The following EIF3G variants were observed in gnomAD, a reference collection of about 807,000 sequenced individuals.
EIF3G encodes eukaryotic translation initiation factor 3 RNA-binding subunit.
In EIF3G, 10 loss-of-function variants were observed where a neutral mutation model predicts 41.7. The observed-to-expected ratio is 0.24, with a 90% CI of 0.15 to 0.41. The LOEUF is 0.41. Among genes scored for constraint, EIF3G ranks in the 10% least tolerant of loss-of-function variants. The pLI, the probability that EIF3G is intolerant of heterozygous loss-of-function variation, is 1.00. For synonymous variants in EIF3G, 204 were observed against 172.5 expected (o/e 1.18, Z -1.43); for missense variants, 297 against 444.0 (o/e 0.67, Z 2.98).
Position 10,116,697 on chromosome 19 carries a change from G to A in EIF3G, c.595+103C>T. The stretch of plus-strand genomic sequence containing the variant: ...GCACAGACGCCCCGAGGAGAGTCTG[G>A]CACCATCAAACCCGCTGCACTGTCG... On this transcript the variant is annotated intron_variant, in intron 7 of 10. Coordinates refer to ENST00000253108, the MANE Select transcript of EIF3G (RefSeq NM_003755.5). This position sits in a 1 kb window ranked among gnomAD's most constrained non-coding sequence, Gnocchi z 4.1. 1.6e-6 allele frequency: 2 copies of A among 1,229,206 alleles called. No homozygotes were observed. Among genetic ancestry groups the A allele is most frequent in the Non-Finnish European group, 1.1e-6 (1 of 891,070 alleles). 76.1% of individuals were successfully genotyped at this position (1,229,206 alleles called of 1,614,324 possible).
chr19:10,115,609 G>T, intron 9 of EIF3G, 24 bp from the exon 10 acceptor site: 1 of 1,611,738 alleles, frequency 6.2e-7, no homozygotes, highest in Non-Finnish European at 8.5e-7. Flanking sequence ...GGATGGGGTC[G>T]GGCACGAGCT....
Position 10,116,726 on chromosome 19 carries a change from G to T in EIF3G, c.595+74C>A. On this transcript the variant is annotated intron_variant, in intron 7 of 10. Coordinates refer to ENST00000253108, the MANE Select transcript of EIF3G (RefSeq NM_003755.5). The surrounding 1 kb of genome is among the most constrained non-coding windows in gnomAD (Gnocchi z 4.1). ...CATCAAACCCGCTGCACTGTCGTGC[G>T]GGAGATGACAGCACGAAGGCAGCAG... The T allele has an allele frequency of 7.0e-7, 1 of 1,420,050 alleles. No individual in the cohort carries two copies. The highest frequency in any genetic ancestry group is 9.5e-7 in the Non-Finnish European group (1 of 1,054,540). 88.0% of individuals were successfully genotyped at this position (1,420,050 alleles called of 1,614,324 possible).
Position 10,117,074 on chromosome 19 carries a change from C to T in EIF3G, c.405+10G>A. ...CCAGGATGCCAGCCCCACCTGATTG[C>T]CCCGCTTACCTCTTTGCTGGTGATG... On this transcript the variant is annotated intron_variant, in intron 6 of 10. Transcript: ENST00000253108. 1.2e-6 allele frequency: 2 copies of T among 1,612,012 alleles called. No homozygotes were observed. The highest frequency in any genetic ancestry group is 1.3e-5 in the African/African-American group (1 of 74,998).
chr19:10,119,729 G>GA, intron 1 of EIF3G, 29 bp from the exon 2 acceptor site: 1 of 1,612,632 alleles, frequency 6.2e-7, no homozygotes, highest in African/African-American at 1.3e-5. Context: ...GGGGAACGAA[G>GA]ATTAAGTCAG....
intron 2 of EIF3G, 185 bp downstream of exon 2, chr19:10,119,469 A>G (rs1234032280): frequency 2.5e-6 from 2 of 790,928 alleles, no homozygotes. Context: ...AGGCAGTGGC[A>G]TGGGAGGAAG....
intron 5 of EIF3G, chr19:10,117,540 T>G: frequency 4.1e-6 from 1 of 246,254 alleles, no homozygotes; most frequent in East Asian, 7.9e-5. Context: ...GAGCCTCAGC[T>G]TCCTCCCTTA....
intron 4 of EIF3G, 37 bp downstream of exon 4, chr19:10,118,831 C>G (rs116747780): frequency 1.2e-6 from 2 of 1,608,744 alleles, no homozygotes; most frequent in Non-Finnish European, 1.7e-6. Flanking sequence ...GGCCCCCAAG[C>G]ACAAGGGTCC....
rs112456792 is a variant in EIF3G at position 10,116,340 on chromosome 19, C to G, written c.596-266G>C. ...GCGGGAGGACAACAGGGGCAGCAGC[C>G]TCACATGCACAGCAACGGCAGACAT... is the stretch of plus-strand genomic sequence containing the variant. On this transcript the variant is annotated intron_variant, in intron 7 of 10. Coordinates refer to ENST00000253108, the MANE Select transcript of EIF3G (RefSeq NM_003755.5). This position sits in a 1 kb window ranked among gnomAD's most constrained non-coding sequence, Gnocchi z 4.1. 1.8e-5 allele frequency: 10 copies of G among 557,422 alleles called. No homozygotes were observed. The highest frequency in any genetic ancestry group is 1.1e-4 in the African/African-American group (6 of 52,944). The allele number at this position is 557,422 out of a possible 1,614,324, so 34.5% of individuals were successfully genotyped here.
At position 10,118,859 on chromosome 19, in the gene EIF3G, C is replaced by T; in HGVS notation, c.240+9G>A. On this transcript the variant is annotated intron_variant, in intron 4 of 10. Coordinates refer to ENST00000253108, the MANE Select transcript of EIF3G (RefSeq NM_003755.5). ...AAGGGTCCCCACTCCCTGCACCCCCCACCCTCACCTTGAACTTCTTGCCAT... is the reference window on the plus strand; with the variant it reads ...AAGGGTCCCCACTCCCTGCACCCCCTACCCTCACCTTGAACTTCTTGCCAT... 2 of 1,613,782 alleles carry T rather than the reference C, an allele frequency of 1.2e-6. No homozygotes were observed. Among genetic ancestry groups the T allele is most frequent in the Non-Finnish European group, 1.7e-6 (2 of 1,179,822 alleles).
chr19:10,115,706 T>C lies in EIF3G; in HGVS notation c.818A>G (p.Asp273Gly). The change falls in exon 9 of 11, where the codon GAC becomes GGC. Residue 273 changes from aspartate (D) to glycine (G), a missense_variant. Around this residue, in one of 4 missense-constraint regions of EIF3G, gnomAD observed 91 missense variants for 170.5 expected, o/e 0.53. Transcript: ENST00000253108. ...CACCTTGGATTGGCCAGTGGTCTTGTCCTTAGCCAGGTAGATGCGGGAGAT... is the reference window on the plus strand; with the variant it reads ...CACCTTGGATTGGCCAGTGGTCTTGCCCTTAGCCAGGTAGATGCGGGAGAT... ...GSISRIYLAK[D>G]KTTGQSKGFA... The C allele has an allele frequency of 6.2e-7, 1 of 1,614,172 alleles. No individual in the cohort carries two copies. Among genetic ancestry groups the C allele is most frequent in the Non-Finnish European group, 8.5e-7 (1 of 1,180,018 alleles).
rs796552351 is a variant in EIF3G at position 10,115,617 on chromosome 19, G to T, written c.841-32C>A. The T allele has an allele frequency of 8.7e-6, 14 of 1,612,278 alleles. No homozygotes were observed. In the African/African-American group the frequency reaches 1.9e-4, roughly 21 times the overall value. Reference sequence around the variant, plus strand: ...AGGGGCGGGATGGGGTCGGGCACGAGCTAGGACAGGCGACCCTAGGACAAG... The same window carrying T: ...AGGGGCGGGATGGGGTCGGGCACGATCTAGGACAGGCGACCCTAGGACAAG... On this transcript the variant is annotated intron_variant, in intron 9 of 10. Transcript: ENST00000253108.
intron 9 of EIF3G, 23 bp downstream of exon 9, chr19:10,115,658 CCCA>C (rs772956400): frequency 6.3e-7 from 1 of 1,591,504 alleles, no homozygotes. Flanking sequence ...CTCACACAGC[CCCA>C]CCGTGCCTGC....
chr19:10,115,583 G>A lies in EIF3G; in HGVS notation c.843C>T (p.Gly281=). The A allele has an allele frequency of 6.2e-7, 1 of 1,613,024 alleles. No homozygotes were observed. The highest frequency in any genetic ancestry group is 8.5e-7 in the Non-Finnish European group (1 of 1,179,308). Reference sequence around the variant, plus strand: ...GGCGGTGGAAGCTGATGAAGGCAAAGCCCTGTGGAGGGGCGGGATGGGGTC... The same window carrying A: ...GGCGGTGGAAGCTGATGAAGGCAAAACCCTGTGGAGGGGCGGGATGGGGTC... ...AKDKTTGQSK[G]FAFISFHRRE... The change falls in exon 10 of 11, where the codon GGC becomes GGT. Residue 281 remains glycine (G), a splice_region_variant and synonymous_variant. Coordinates refer to ENST00000253108, the MANE Select transcript of EIF3G (RefSeq NM_003755.5).
Position 10,116,138 on chromosome 19 carries a change from C to G in EIF3G, c.596-64G>C. The G allele has an allele frequency of 8.6e-6, 13 of 1,504,700 alleles. No homozygotes were observed. In the South Asian group the frequency reaches 1.5e-4, roughly 18 times the overall value. 93.2% of individuals were successfully genotyped at this position (1,504,700 alleles called of 1,614,324 possible). On this transcript the variant is annotated intron_variant, in intron 7 of 10. Transcript: ENST00000253108. The surrounding 1 kb of genome is among the most constrained non-coding windows in gnomAD (Gnocchi z 4.1). ...GCGCAGGCGTGGGGACAGAGCCGCC[C>G]CAGGAAGCTCGGGCTTCAGTGTTGA...
chr19:10,116,415 C>T lies in EIF3G; in HGVS notation c.596-341G>A. On this transcript the variant is annotated intron_variant, in intron 7 of 10. Transcript: ENST00000253108. This position sits in a 1 kb window ranked among gnomAD's most constrained non-coding sequence, Gnocchi z 4.1. ...CAGGTCCCCCTCGCGTGGCAGGCGA[C>T]AAGTGCACGTCTGCACTCTCACACT... 1 of 499,636 alleles carries T rather than the reference C, an allele frequency of 2.0e-6. No homozygotes were observed. Among genetic ancestry groups the T allele is most frequent in the Non-Finnish European group, 3.6e-6 (1 of 276,712 alleles). 31.0% of individuals were successfully genotyped at this position (499,636 alleles called of 1,614,324 possible).
chr19:10,119,665 T>A lies in EIF3G; in HGVS notation c.56A>T (p.Glu19Val). ...KPSWADQVEE[E>V]GEDDKCVTSE... ...CCGTGTACACTTACCGTCCTCCCCC[T>A]CCTCCTCCACCTGGTCGGCCCAACT... is the stretch of plus-strand genomic sequence containing the variant. The change falls in exon 2 of 11, where the codon GAG (glutamate) becomes GTG (valine). Residue 19 changes from glutamate to valine, a missense_variant. Coordinates refer to ENST00000253108, the MANE Select transcript of EIF3G (RefSeq NM_003755.5). 6.3e-7 allele frequency: 1 copy of A among 1,579,352 alleles called. No individual in the cohort carries two copies. Among genetic ancestry groups the A allele is most frequent in the East Asian group, 2.2e-5 (1 of 44,508 alleles).
Position 10,115,724 on chromosome 19 carries a change from C to T in EIF3G, c.800G>A (p.Arg267His). Reference sequence around the variant, plus strand: ...GGTCTTGTCCTTAGCCAGGTAGATGCGGGAGATGGAGCCGAAAGGCCGGAA... The same window carrying T: ...GGTCTTGTCCTTAGCCAGGTAGATGTGGGAGATGGAGCCGAAAGGCCGGAA... ...ELFRPFGSIS[R>H]IYLAKDKTTG... Residue 267 changes from arginine (R) to histidine (H), a missense_variant, in exon 9 of 11, where the codon CGC (arginine) becomes CAC (histidine). Arg to His is a conservative substitution (Grantham distance 29). This residue lies in a region of EIF3G where 91 missense variants were observed against 170.5 expected (regional missense o/e 0.53). Transcript: ENST00000253108. 6.2e-7 allele frequency: 1 copy of T among 1,614,136 alleles called. No homozygotes were observed.
At chr19:10,117,991 G>T (rs1458697327) in intron 5 of EIF3G, 1 of 152,346 alleles carries the variant, frequency 6.6e-6, no homozygotes, top group African/African-American at 2.4e-5. Flanking sequence ...GTTCAAGGCT[G>T]CAGTAAGCTA....
rs375316477 is a variant in EIF3G, at chr19:10,116,072, G to C, written c.598C>G (p.Leu200Val). 6.2e-7 allele frequency: 1 copy of C among 1,613,638 alleles called. No homozygotes were observed. The highest frequency in any genetic ancestry group is 8.5e-7 in the Non-Finnish European group (1 of 1,179,762). Residue 200 changes from leucine (L) to valine (V), a missense_variant and splice_region_variant, in exon 8 of 11, where the codon CTA becomes GTA. Transcript: ENST00000253108. This position sits in a 1 kb window ranked among gnomAD's most constrained non-coding sequence, Gnocchi z 4.1. ...TGEKEKLPGE[L>V]EPVQATQNKT... is the part of the protein sequence containing the mutation. ...TTCTGCGTGGCCTGCACCGGCTCTA[G>C]CTCTGGGGACCAAAAGACAGTCAAG...
Sources: allele counts gnomAD v4.1 joint callset, GRCh38; gene constraint gnomAD v4.1.1; regional missense constraint gnomAD v4.1.1; non-coding constraint Gnocchi (gnomAD v3.1); transcripts MANE v1.5; gene names NCBI Gene and HGNC (gene_info 2026-07-23, HGNC 2026-07-21).